The following DOCK3 variants were observed in gnomAD, a reference collection of about 807,000 sequenced individuals.
DOCK3 encodes the protein dedicator of cytokinesis 3, also known as dedicator of cytokinesis protein 3.
A neutral mutation model predicts 265.6 loss-of-function variants in DOCK3; 60 were observed. The observed-to-expected ratio is 0.23, with a 90% CI of 0.18 to 0.28. The LOEUF is 0.28. Ranked by LOEUF, DOCK3 falls within the 10% of genes least tolerant of loss-of-function variation. DOCK3 has a pLI of 1.00. For missense variants in DOCK3, 1,981 were observed against 2,594.3 expected, an observed-to-expected ratio of 0.76 and a Z score of 5.14; for synonymous variants, 881 against 938.0, an observed-to-expected ratio of 0.94 and a Z score of 1.11.
At chr3:50,895,880 T>C (rs902731027) in intron 4 of DOCK3, among the ~76,000 whole-genome samples, 4 of 152,194 alleles carry the variant, frequency 2.6e-5, no homozygotes, top group Non-Finnish European at 4.4e-5. Context: ...TATTCCGTGG[T>C]GTGTATGTGC....
intron 1 of DOCK3, among the ~76,000 whole-genome samples, chr3:50,703,401 G>C (rs2036179434): frequency 6.6e-6 from 1 of 152,140 alleles, no homozygotes; most frequent in African/African-American, 2.4e-5. Context: ...AATAGTTTGA[G>C]AAGAACTGGT....
At chr3:51,360,760 G>A (rs1264545223) in intron 47 of DOCK3, 128 bp downstream of exon 47, 10 of 1,314,328 alleles carry the variant, frequency 7.6e-6, no homozygotes, top group Non-Finnish European at 9.3e-6. Flanking sequence ...CACTTATGTG[G>A]CTCCTGCCAT....
intron 12 of DOCK3, among the ~76,000 whole-genome samples, chr3:51,173,955 G>A (rs566268756): frequency 1.4e-4 from 22 of 152,072 alleles, no homozygotes; most frequent in South Asian, 8.3e-4. Context: ...ATAGTGCCCC[G>A]TAAGTCTCAT....
intron 9 of DOCK3, among the ~76,000 whole-genome samples, chr3:51,130,887 T>C (rs1268957962): frequency 6.6e-6 from 1 of 152,070 alleles, no homozygotes; most frequent in Non-Finnish European, 1.5e-5. Context: ...TTTTGTACTT[T>C]AGTAGAGATG....
At position 51,043,061 on chromosome 3, in the gene DOCK3, T is replaced by C. The variant is rs2080603914; in HGVS notation, c.316-21387T>C. Among the ~76,000 whole-genome samples the C allele has an allele frequency of 2.0e-5, 3 of 152,320 alleles. No individual in the cohort carries two copies. In the South Asian group the frequency reaches 6.2e-4, roughly 32 times the overall value. On this transcript the variant is annotated intron_variant, in intron 5 of 52. Coordinates refer to ENST00000266037, the MANE Select transcript of DOCK3 (RefSeq NM_004947.5). ...TCAATGCTAGTCCATTAAACTACCA[T>C]TGACATTCTTTACAGAACTAGAAAA...
chr3:51,042,144 A>G (rs2080559240), intron 5 of DOCK3, among the ~76,000 whole-genome samples: 1 of 152,254 alleles, frequency 6.6e-6, no homozygotes, highest in African/African-American at 2.4e-5. Flanking sequence ...AGAAAACTTC[A>G]GGCCAATATC....
chr3:51,089,154 C>T, intron 7 of DOCK3, 89 bp from the exon 8 acceptor site: 1 of 1,289,344 alleles, frequency 7.8e-7, no homozygotes, highest in Non-Finnish European at 1.1e-6. Context: ...ATATAAAAGG[C>T]ATAGCAGACT....
intron 3 of DOCK3, chr3:50,876,655 T>G (rs2107621297): frequency 6.6e-6 from 1 of 152,624 alleles, no homozygotes; most frequent in Middle Eastern, 3.4e-3. Flanking sequence ...TCTAGTTTGC[T>G]TTTCCTTCAC....
intron 2 of DOCK3, among the ~76,000 whole-genome samples, chr3:50,815,928 C>T (rs903374003): frequency 6.6e-6 from 1 of 152,066 alleles, no homozygotes; most frequent in Non-Finnish European, 1.5e-5. Flanking sequence ...AAACACTTGA[C>T]TGGTTAACAT....
At chr3:51,236,970 AG>A (rs1188369534) in intron 20 of DOCK3, among the ~76,000 whole-genome samples, 1 of 152,152 alleles carries the variant, frequency 6.6e-6, no homozygotes, top group Non-Finnish European at 1.5e-5. Context: ...AAGAAGAGTC[AG>A]ATACTCTCAT....
chr3:51,190,324 T>C (rs532757442), intron 12 of DOCK3, among the ~76,000 whole-genome samples: 5 of 152,164 alleles, frequency 3.3e-5, no homozygotes, highest in Admixed American at 6.5e-5. Flanking sequence ...TCCAGTGATA[T>C]GACCTGTCCT....
chr3:50,812,758 C>T (rs2043838930), intron 2 of DOCK3, among the ~76,000 whole-genome samples: 1 of 152,222 alleles, frequency 6.6e-6, no homozygotes, highest in African/African-American at 2.4e-5. Context: ...CATCCAGAAA[C>T]ACCCTCACAG....
intron 27 of DOCK3, among the ~76,000 whole-genome samples, chr3:51,304,233 G>A (rs549282994): frequency 7.2e-5 from 11 of 152,054 alleles, no homozygotes; most frequent in Non-Finnish European, 1.3e-4. Flanking sequence ...GATCCAAACC[G>A]TCCAGTTTCC....
At chr3:50,846,289 T>G (rs1300437461) in intron 3 of DOCK3, among the ~76,000 whole-genome samples, 1 of 152,118 alleles carries the variant, frequency 6.6e-6, no homozygotes, top group Non-Finnish European at 1.5e-5. Context: ...GGCATATAGT[T>G]GTACTCACAG....
intron 5 of DOCK3, among the ~76,000 whole-genome samples, chr3:51,027,925 G>T (rs1009193500): frequency 1.3e-5 from 2 of 151,768 alleles, no homozygotes; most frequent in Admixed American, 1.3e-4. Flanking sequence ...GAGCATTTAG[G>T]CTGTGTAGGT....
At chr3:50,944,496 C>T (rs1157607717) in intron 5 of DOCK3, among the ~76,000 whole-genome samples, 2 of 152,162 alleles carry the variant, frequency 1.3e-5, no homozygotes, top group Non-Finnish European at 2.9e-5. Context: ...CACTGGAGGT[C>T]ATGCAAAGAA....
At chr3:51,122,545 G>A (rs550357087) in intron 9 of DOCK3, among the ~76,000 whole-genome samples, 19 of 152,186 alleles carry the variant, frequency 1.2e-4, no homozygotes, top group South Asian at 2.1e-4. Context: ...TAAATAGTTC[G>A]TCTTGGATTT....
chr3:50,971,964 G>A (rs983868720), intron 5 of DOCK3, among the ~76,000 whole-genome samples: 1 of 152,212 alleles, frequency 6.6e-6, no homozygotes, highest in African/African-American at 2.4e-5. Flanking sequence ...ATACAGGCAG[G>A]AATATGATCC....
In DOCK3 at chr3:50,980,242, G is replaced by A. The variant is rs188105644; in HGVS notation, c.315+46165G>A. ...TATGGCTTTTGTCCTTCATTCTGTTGCTGTGATGTATCACATTTATTGGCT... is the reference window on the plus strand; with the variant it reads ...TATGGCTTTTGTCCTTCATTCTGTTACTGTGATGTATCACATTTATTGGCT... On this transcript the variant is annotated intron_variant, in intron 5 of 52. Transcript: ENST00000266037. Among the ~76,000 whole-genome samples the A allele has an allele frequency of 9.7e-3, 1,473 of 152,210 alleles. 8 individuals are homozygous for A. The highest frequency in any genetic ancestry group is 0.015 in the Non-Finnish European group (1,003 of 67,996).
Sources: allele counts gnomAD v4.1 joint callset (sites outside exome capture counted in the v4.1 genomes callset), GRCh38; gene constraint gnomAD v4.1.1; transcripts MANE v1.5; gene names NCBI Gene and HGNC (gene_info 2026-07-23, HGNC 2026-07-21).